Variants in RCC1 observed in about 807,000 individuals in gnomAD.
RCC1 encodes the protein regulator of chromosome condensation 1.
A neutral mutation model predicts 44.4 loss-of-function variants in RCC1; 11 were observed. The ratio of observed to expected loss-of-function variants is 0.25; its 90% CI spans 0.16 to 0.41. RCC1 has a LOEUF of 0.41. RCC1 is among the 10% of genes least tolerant of loss of function. The pLI is 1.00. For missense variants in RCC1, 386 were observed against 547.1 expected, an observed-to-expected ratio of 0.71 and a Z score of 2.94; for synonymous variants, 213 against 216.5, an observed-to-expected ratio of 0.98 and a Z score of 0.14.
rs769178461 is a variant in RCC1, at chr1:28,509,013, G to T, written c.-153+108G>T. ...CTCCTTTTGAGAGTCTTGCTCTGTCGCCCAGGCTGTAGTGCAGTGGCGCAA... is the reference window on the plus strand; with the variant it reads ...CTCCTTTTGAGAGTCTTGCTCTGTCTCCCAGGCTGTAGTGCAGTGGCGCAA... On this transcript the variant is annotated intron_variant, in intron 3 of 12. Coordinates refer to ENST00000683442, the MANE Select transcript of RCC1 (RefSeq NM_001381865.2). 27 of 415,048 alleles carry T rather than the reference G, an allele frequency of 6.5e-5. 1 individual carries two copies. Among genetic ancestry groups the T allele is most frequent in the African/African-American group, 5.0e-4 (24 of 47,976 alleles). The allele number at this position is 415,048 out of a possible 1,614,324, so 25.7% of individuals were successfully genotyped here. A position where few individuals can be genotyped will look rare whatever the true frequency, so the allele number is the denominator to read the frequency against.
intron 4 of RCC1, among the ~76,000 whole-genome samples, chr1:28,527,530 C>T (rs1243313617): frequency 6.6e-6 from 1 of 152,060 alleles, no homozygotes; most frequent in East Asian, 1.9e-4. Flanking sequence ...GGTGTGGTGG[C>T]ACCTTGTCTC....
At chr1:28,517,884 G>A (rs1435610865) in intron 4 of RCC1, among the ~76,000 whole-genome samples, 2 of 152,182 alleles carry the variant, frequency 1.3e-5, no homozygotes, top group Admixed American at 6.5e-5. Flanking sequence ...CCCTGTCATA[G>A]CGTTGTGTGG....
rs549022073 is a variant in RCC1, at chr1:28,508,664, A to G, written c.-228-166A>G. On this transcript the variant is annotated intron_variant, in intron 2 of 12. Coordinates refer to ENST00000683442, the MANE Select transcript of RCC1 (RefSeq NM_001381865.2). ...TGTACAGTCCCTTTCCACAACGTTG[A>G]AGATGAAGCTGGGCCTCGTGTCTGC... 2.4e-3 allele frequency: 1,212 copies of G among 512,802 alleles called. 22 individuals carry two copies. The highest frequency in any genetic ancestry group is 3.0e-3 in the Non-Finnish European group (765 of 255,830). The allele number at this position is 512,802 out of a possible 1,614,324, so 31.8% of individuals were successfully genotyped here.
chr1:28,511,180 A>G (rs180724878), intron 3 of RCC1, among the ~76,000 whole-genome samples: 25 of 152,276 alleles, frequency 1.6e-4, no homozygotes, highest in African/African-American at 5.8e-4. Flanking sequence ...CTTGCTGTTC[A>G]TGAGACTTTG....
intron 9 of RCC1, 62 bp downstream of exon 9, chr1:28,535,442 A>G: frequency 6.2e-7 from 1 of 1,602,326 alleles, no homozygotes; most frequent in Non-Finnish European, 8.5e-7. Flanking sequence ...GTGAAGGCCA[A>G]AGGCAGGAAG....
At chr1:28,515,306 T>A (rs1662826806) in intron 3 of RCC1, among the ~76,000 whole-genome samples, 1 of 151,352 alleles carries the variant, frequency 6.6e-6, no homozygotes, top group African/African-American at 2.4e-5. Context: ...AAAAATTAGC[T>A]GGGCATGGTG....
At chr1:28,516,236 G>GGGCGCGGAGGCTCACGCCTGTA (rs1662886783) in intron 3 of RCC1, among the ~76,000 whole-genome samples, 2 of 146,394 alleles carry the variant, frequency 1.4e-5, no homozygotes, top group African/African-American at 5.0e-5. Flanking sequence ...AATTAAGGCT[G>GGGCGCGGAGGCTCACGCCTGTA]GGCGCGGAGG....
intron 4 of RCC1, chr1:28,518,839 GATT>G (rs996154107): frequency 1.3e-5 from 2 of 152,378 alleles, no homozygotes; most frequent in African/African-American, 4.8e-5. Context: ...TCTGTCAGCA[GATT>G]ATTTGCTGGC....
chr1:28,537,797 C>T, intron 12 of RCC1, 35 bp from the exon 13 acceptor site: 1 of 1,585,200 alleles, frequency 6.3e-7, no homozygotes, highest in Non-Finnish European at 8.6e-7. Context: ...GCTGGGGATC[C>T]TGGAGACAGC....
chr1:28,506,865 C>A, intron 1 of RCC1: 1 of 158,010 alleles, frequency 6.3e-6, no homozygotes, highest in Non-Finnish European at 1.4e-5. Context: ...CCGCGCCTGG[C>A]TTATTTTTGT....
At chr1:28,534,244 G>A (rs933798038) in intron 7 of RCC1, among the ~76,000 whole-genome samples, 3 of 151,328 alleles carry the variant, frequency 2.0e-5, no homozygotes, top group Admixed American at 6.6e-5. Context: ...GCAGTGGCGC[G>A]ATCTCGGCTC....
chr1:28,522,849 A>G (rs1663374653), intron 4 of RCC1, among the ~76,000 whole-genome samples: 1 of 151,116 alleles, frequency 6.6e-6, no homozygotes, highest in African/African-American at 2.4e-5. Flanking sequence ...ATATATATAC[A>G]CACACACATA....
At chr1:28,529,448 T>A (rs2124650315) in intron 4 of RCC1, among the ~76,000 whole-genome samples, 1 of 152,102 alleles carries the variant, frequency 6.6e-6, no homozygotes, top group South Asian at 2.1e-4. Context: ...CCTCCCACAG[T>A]GTTGGGATTA....
chr1:28,523,398 A>C (rs1052381906), intron 4 of RCC1, among the ~76,000 whole-genome samples: 1 of 152,088 alleles, frequency 6.6e-6, no homozygotes, highest in Non-Finnish European at 1.5e-5. Context: ...CTTCTCTTCC[A>C]ATCTTGAGTG....
At position 28,536,078 on chromosome 1, in the gene RCC1, C is replaced by A; in HGVS notation, c.817+52C>A. Reference sequence around the variant, plus strand: ...TGACCCAGTGGCCTGCGTTCCTGTCCTGGCTCTGCCACTCATTCATTGTGC... The same window carrying A: ...TGACCCAGTGGCCTGCGTTCCTGTCATGGCTCTGCCACTCATTCATTGTGC... On this transcript the variant is annotated intron_variant, in intron 10 of 12. Transcript: ENST00000683442. The surrounding 1 kb of genome is among the most constrained non-coding windows in gnomAD (Gnocchi z 4.9). The A allele has an allele frequency of 6.4e-7, 1 of 1,562,056 alleles. No homozygotes were observed. The highest frequency in any genetic ancestry group is 8.7e-7 in the Non-Finnish European group (1 of 1,152,802).
rs950009681 is a variant in RCC1 at position 28,532,410 on chromosome 1, C to G, written c.441+60C>G. 4.4e-6 allele frequency: 7 copies of G among 1,578,526 alleles called. No homozygotes were observed. In the African/African-American group the frequency reaches 9.4e-5, roughly 21 times the overall value. ...AAAGACAGAATTAATTGGCGGGGCCCCAAAGATAATCCACTTCCATGCCCC... is the reference window on the plus strand; with the variant it reads ...AAAGACAGAATTAATTGGCGGGGCCGCAAAGATAATCCACTTCCATGCCCC... On this transcript the variant is annotated intron_variant, in intron 7 of 12. Coordinates refer to ENST00000683442, the MANE Select transcript of RCC1 (RefSeq NM_001381865.2).
At chr1:28,535,214 G>A (rs1437279599) in intron 8 of RCC1, 44 bp from the exon 9 acceptor site, 1 of 1,614,156 alleles carries the variant, frequency 6.2e-7, no homozygotes. Context: ...CCTAGCCTTG[G>A]GCCTTACAGT....
intron 4 of RCC1, among the ~76,000 whole-genome samples, chr1:28,524,260 A>ACT (rs1663498354): frequency 6.6e-6 from 1 of 152,190 alleles, no homozygotes; most frequent in Admixed American, 6.5e-5. Context: ...CTGTTTGTTC[A>ACT]ACAGTGTTCT....
intron 4 of RCC1, among the ~76,000 whole-genome samples, chr1:28,523,097 TCTCGA>T (rs999849365): frequency 6.9e-6 from 1 of 145,604 alleles, no homozygotes; most frequent in African/African-American, 2.6e-5. Flanking sequence ...AGTGGCGTGA[TCTCGA>T]CTCACTGCAA....
Sources: gnomAD v4.1 joint callset for allele counts (sites outside exome capture counted in the v4.1 genomes callset) on GRCh38, gnomAD v4.1.1 for gene constraint, Gnocchi (gnomAD v3.1) non-coding constraint, MANE v1.5 for transcripts, NCBI Gene and HGNC (gene_info 2026-07-23, HGNC 2026-07-21) for gene names.